The following CDC123 variants were observed in gnomAD, a reference collection of about 807,000 sequenced individuals.
The protein encoded by CDC123 is cell division cycle 123.
Under a neutral mutation model 54.4 loss-of-function variants are expected in CDC123, and 37 were observed. That is an observed-to-expected ratio of 0.68 (90% CI 0.52 to 0.89). CDC123 has a LOEUF of 0.89. CDC123 is among the 40% of genes least tolerant of loss of function. The pLI is 0.00. For missense variants in CDC123, 361 were observed against 412.1 expected, an observed-to-expected ratio of 0.88 and a Z score of 1.07; for synonymous variants, 144 against 136.8, an observed-to-expected ratio of 1.05 and a Z score of -0.37.
chr10:12,196,457 G>A, intron 1 of CDC123, 138 bp downstream of exon 1: 1 of 1,159,452 alleles, frequency 8.6e-7, no homozygotes, highest in Non-Finnish European at 1.2e-6. Flanking sequence ...AAGTACATCA[G>A]CAATTGTCTG....
chr10:12,206,753 T>G (rs562876447), intron 2 of CDC123, among the ~76,000 whole-genome samples: 168 of 152,196 alleles, frequency 1.1e-3, no homozygotes, highest in African/African-American at 3.9e-3. Flanking sequence ...GGTCAGGAGA[T>G]CGAGACCATC....
At chr10:12,210,385 A>G (rs1320372635) in intron 4 of CDC123, 63 bp downstream of exon 4, 6 of 1,589,968 alleles carry the variant, frequency 3.8e-6, no homozygotes, top group Non-Finnish European at 5.2e-6. Context: ...GTTAGCGTCA[A>G]GGTTTAAGTG....
At position 12,219,345 on chromosome 10, in the gene CDC123, GTGTGTGTC is replaced by G. The variant is rs1316949342; in HGVS notation, c.440+1892_440+1899del. 3.3e-5 allele frequency among the ~76,000 whole-genome samples: 5 copies of G among 152,112 alleles called. No individual in the cohort carries two copies. In the South Asian group the frequency reaches 1.0e-3, roughly 32 times the overall value. ...TTATAGAAAAAAGTGTGTGTGTGTGGTGTGTGTCTGTGTGTCTGTGTCTGTGTGTGTGT... is the reference window on the plus strand; with the variant it reads ...TTATAGAAAAAAGTGTGTGTGTGTGGTGTGTGTCTGTGTCTGTGTGTGTGT... On this transcript the variant is annotated intron_variant, in intron 6 of 12. Coordinates refer to ENST00000281141, the MANE Select transcript of CDC123 (RefSeq NM_006023.3).
At chr10:12,198,797 A>G in intron 2 of CDC123, 21 bp downstream of exon 2, 1 of 1,364,236 alleles carries the variant, frequency 7.3e-7, no homozygotes, top group African/African-American at 1.4e-5. Context: ...TTAGAAAAAA[A>G]TTTCTTAAAC....
rs562394838 is a variant in CDC123 at position 12,238,278 on chromosome 10, A to G, written c.689-179A>G. Among the ~76,000 whole-genome samples the G allele has an allele frequency of 3.9e-5, 6 of 152,350 alleles. No homozygotes were observed. In the South Asian group the frequency reaches 1.2e-3, roughly 32 times the overall value. ...ACAGAGAACAGTAAAGCAAAGTTAT[A>G]TAAATAAAACATTGCAGGATGCCTT... On this transcript the variant is annotated intron_variant, in intron 9 of 12. Coordinates refer to ENST00000281141, the MANE Select transcript of CDC123 (RefSeq NM_006023.3).
chr10:12,224,989 A>AGGGC (rs1564252972), intron 6 of CDC123, among the ~76,000 whole-genome samples: 3 of 152,072 alleles, frequency 2.0e-5, no homozygotes, highest in Non-Finnish European at 4.4e-5. Context: ...TTTCCCCAAG[A>AGGGC]ATGGTGCAGA....
intron 10 of CDC123, among the ~76,000 whole-genome samples, chr10:12,240,704 C>G (rs576964534): frequency 1.3e-4 from 20 of 152,142 alleles, no homozygotes; most frequent in African/African-American, 4.3e-4. Context: ...AATGAGACCT[C>G]GTCTCTACAT....
chr10:12,215,952 G>T, intron 5 of CDC123, 117 bp downstream of exon 5: 1 of 580,850 alleles, frequency 1.7e-6, no homozygotes, highest in Non-Finnish European at 2.9e-6. Context: ...AAAATACTGT[G>T]GAATTTATTA....
intron 5 of CDC123, among the ~76,000 whole-genome samples, chr10:12,217,156 G>A (rs1029922521): frequency 1.3e-5 from 2 of 152,212 alleles, no homozygotes; most frequent in Non-Finnish European, 2.9e-5. Flanking sequence ...TGACATCTCA[G>A]TGTTCATAAC....
chr10:12,208,857 A>T (rs1464477376), intron 2 of CDC123, among the ~76,000 whole-genome samples: 3 of 152,176 alleles, frequency 2.0e-5, no homozygotes, highest in Non-Finnish European at 4.4e-5. Context: ...TTCTTCAAAG[A>T]CAGCATGCCT....
rs773517491 is a variant in CDC123 at position 12,233,588 on chromosome 10, C to CTATATA, written c.490-1451_490-1446dup. Among the ~76,000 whole-genome samples the CTATATA allele has an allele frequency of 3.0e-4, 46 of 150,908 alleles. 1 individual carries two copies. The highest frequency in any genetic ancestry group is 1.0e-3 in the African/African-American group (41 of 41,152). ...TGTTGCTAAGTAAAACCACTGTAGC[C>CTATATA]TATATATATATATAAAATGTATAAA... is the stretch of plus-strand genomic sequence containing the variant. On this transcript the variant is annotated intron_variant, in intron 7 of 12. Coordinates refer to ENST00000281141, the MANE Select transcript of CDC123 (RefSeq NM_006023.3).
chr10:12,238,567 G>C, intron 10 of CDC123, 82 bp downstream of exon 10: 1 of 1,515,692 alleles, frequency 6.6e-7, no homozygotes, highest in South Asian at 1.2e-5. Flanking sequence ...TTATGTGTGT[G>C]AAGGATCCAT....
intron 7 of CDC123, 100 bp downstream of exon 7, chr10:12,231,096 TTTC>T: frequency 8.9e-7 from 1 of 1,119,140 alleles, no homozygotes; most frequent in East Asian, 2.4e-5. Flanking sequence ...CTTGGATTAA[TTTC>T]TTCGGGAACC....
chr10:12,200,120 A>ATTTTTTTTTTTTTGTTT (rs1835421148), intron 2 of CDC123, among the ~76,000 whole-genome samples: 1 of 59,356 alleles, frequency 1.7e-5, no homozygotes, highest in Non-Finnish European at 3.0e-5. Flanking sequence ...CGCACTCGGC[A>ATTTTTTTTTTTTTGTTT]TTTTTTTTTT....
At chr10:12,248,635 G>A (rs368703919) in intron 11 of CDC123, among the ~76,000 whole-genome samples, 124 of 150,246 alleles carry the variant, frequency 8.3e-4, no homozygotes, top group African/African-American at 1.9e-3. Context: ...GAGAAACCCC[G>A]TCTCTACTAA....
At chr10:12,207,218 T>C (rs1588670828) in intron 2 of CDC123, among the ~76,000 whole-genome samples, 2 of 152,128 alleles carry the variant, frequency 1.3e-5, no homozygotes, top group South Asian at 4.1e-4. Context: ...CTCTATTTTC[T>C]CTTTCCGTGT....
intron 4 of CDC123, among the ~76,000 whole-genome samples, chr10:12,211,442 T>C (rs1462354475): frequency 2.0e-5 from 3 of 152,296 alleles, no homozygotes. Flanking sequence ...CATATTTCTT[T>C]AGATTTAAAA....
intron 4 of CDC123, among the ~76,000 whole-genome samples, chr10:12,212,217 C>T (rs141198007): frequency 1.4e-3 from 207 of 152,296 alleles, no homozygotes; most frequent in African/African-American, 4.7e-3. Context: ...ATGTAACATC[C>T]TGGTAGCAGT....
chr10:12,249,152 G>T (rs1425531044), intron 11 of CDC123, among the ~76,000 whole-genome samples: 1 of 149,132 alleles, frequency 6.7e-6, no homozygotes, highest in Non-Finnish European at 1.5e-5. Context: ...AAATAGTTTG[G>T]CATGGGTGCA....
Sources: gnomAD v4.1 joint callset for allele counts (sites outside exome capture counted in the v4.1 genomes callset) on GRCh38, gnomAD v4.1.1 for gene constraint, MANE v1.5 for transcripts, NCBI Gene and HGNC (gene_info 2026-07-23, HGNC 2026-07-21) for gene names.